The following RASSF2 variants were observed in gnomAD, a reference collection of about 807,000 sequenced individuals.
The protein encoded by RASSF2 is ras association domain-containing protein 2.
In RASSF2, 34 loss-of-function variants were observed where a neutral mutation model predicts 46.3. That is an observed-to-expected ratio of 0.73 (90% confidence interval 0.56 to 0.98). The LOEUF is 0.98. Ranked by LOEUF, RASSF2 falls within the 50% of genes least tolerant of loss-of-function variation. The probability of loss-of-function intolerance (pLI) is 0.00; values close to 1 mark genes in which losing one functional copy is unlikely to be tolerated. For missense variants in RASSF2, 364 were observed against 431.2 expected (o/e 0.84, Z 1.38); for synonymous variants, 158 against 162.5 (o/e 0.97, Z 0.21).
intron 2 of RASSF2, among the ~76,000 whole-genome samples, chr20:4,801,731 T>C (rs1320011214): frequency 4.6e-5 from 7 of 151,962 alleles, no homozygotes; most frequent in Admixed American, 3.9e-4. Context: ...ACTATTACCA[T>C]TTGTTTTGTT....
chr20:4,800,138 C>CTTA (rs1214168774), intron 3 of RASSF2, among the ~76,000 whole-genome samples: 2 of 151,814 alleles, frequency 1.3e-5, no homozygotes, highest in Admixed American at 1.3e-4. Context: ...ATAGAGAAAT[C>CTTA]TTATGCTGGA....
At chr20:4,802,653 C>CA (rs1273128643) in intron 2 of RASSF2, among the ~76,000 whole-genome samples, 1 of 151,848 alleles carries the variant, frequency 6.6e-6, no homozygotes, top group East Asian at 1.9e-4. Context: ...GGTGATTCTT[C>CA]AAAAAGTAGA....
Position 4,802,882 on chromosome 20 carries a change from G to GTATATA in RASSF2, c.-32-1826_-32-1821dup, listed in dbSNP as rs139381564. ...TACATATACACGTGTATGTGTGTGT[G>GTATATA]TATATATATATATACATATATATAT... On this transcript the variant is annotated intron_variant, in intron 2 of 11. Coordinates refer to ENST00000379400, the MANE Select transcript of RASSF2 (RefSeq NM_014737.3). Among the ~76,000 whole-genome samples the GTATATA allele has an allele frequency of 5.1e-3, 683 of 134,494 alleles. 7 individuals are homozygous for GTATATA. Among genetic ancestry groups the GTATATA allele is most frequent in the African/African-American group, 0.015 (529 of 35,438 alleles). 88.2% of individuals were successfully genotyped at this position (134,494 alleles called of 152,430 possible).
intron 2 of RASSF2, among the ~76,000 whole-genome samples, chr20:4,814,146 C>A (rs1928083097): frequency 2.6e-5 from 4 of 152,126 alleles, no homozygotes; most frequent in Admixed American, 2.6e-4. Flanking sequence ...AGCTTTCCTC[C>A]TGTCCAATAA....
At position 4,814,944 on chromosome 20, in the gene RASSF2, G is replaced by A. The variant is rs1272993076; in HGVS notation, c.-33+7385C>T. 2.6e-5 allele frequency among the ~76,000 whole-genome samples: 4 copies of A among 152,218 alleles called. No individual in the cohort carries two copies. The South Asian group carries it at 8.3e-4, about 31-fold the overall frequency. On this transcript the variant is annotated intron_variant, in intron 2 of 11. Coordinates refer to ENST00000379400, the MANE Select transcript of RASSF2 (RefSeq NM_014737.3). ...ACTGCTCCTCCACGTGGCCCGCAGA[G>A]GCGGCTCTATCAAACCTCTGTACAC... is the stretch of plus-strand genomic sequence containing the variant.
intron 2 of RASSF2, among the ~76,000 whole-genome samples, chr20:4,803,551 C>T (rs866889115): frequency 8.5e-5 from 13 of 152,124 alleles, no homozygotes; most frequent in Admixed American, 1.3e-4. Context: ...GCCAGGAGTT[C>T]GAGACCAGCC....
Position 4,795,984 on chromosome 20 carries a change from A to G in RASSF2, c.136-18T>C. ...TCTTCTTCCTGCCCACAAAGCAATC[A>G]GAGTAGTGAGCCTAGAAAAGCCCCC... On this transcript the variant is annotated intron_variant, in intron 4 of 11. Transcript: ENST00000379400. This position sits in a 1 kb window ranked among gnomAD's most constrained non-coding sequence, Gnocchi z 4.0. 1 of 1,491,280 alleles carries G rather than the reference A, an allele frequency of 6.7e-7. No homozygotes were observed. The highest frequency in any genetic ancestry group is 1.8e-4 in the Middle Eastern group (1 of 5,530). 92.4% of individuals were successfully genotyped at this position (1,491,280 alleles called of 1,614,324 possible). A position where few individuals can be genotyped will look rare whatever the true frequency, so the allele number is the denominator to read the frequency against.
chr20:4,798,141 C>T (rs780531076), intron 3 of RASSF2, 56 bp from the exon 4 acceptor site: 6 of 1,600,924 alleles, frequency 3.7e-6, no homozygotes, highest in Non-Finnish European at 5.1e-6. Context: ...ACTTATAATG[C>T]AGTTGTTCCC....
intron 2 of RASSF2, among the ~76,000 whole-genome samples, chr20:4,810,798 A>G (rs989660740): frequency 6.6e-6 from 1 of 152,180 alleles, no homozygotes; most frequent in Non-Finnish European, 1.5e-5. Flanking sequence ...GTTGTTCTAT[A>G]GGCTCCAGGC....
chr20:4,811,834 CCTCTT>C (rs1927846128), intron 2 of RASSF2, among the ~76,000 whole-genome samples: 2 of 152,142 alleles, frequency 1.3e-5, no homozygotes. Flanking sequence ...CCTGTGCACA[CCTCTT>C]CTCTGAGCCC....
chr20:4,796,392 A>G (rs1157526185), intron 4 of RASSF2, among the ~76,000 whole-genome samples: 1 of 152,234 alleles, frequency 6.6e-6, no homozygotes, highest in East Asian at 1.9e-4. Flanking sequence ...CTGTTTAGCA[A>G]TCCAACCTGG....
Position 4,797,948 on chromosome 20 carries a change from C to T in RASSF2, c.135+62G>A, listed in dbSNP as rs1338109926. On this transcript the variant is annotated intron_variant, in intron 4 of 11. Coordinates refer to ENST00000379400, the MANE Select transcript of RASSF2 (RefSeq NM_014737.3). ...CTTGGGACCTCAGGGACCTTCAGACCCAGGACACATGGTGACAAGCCCTGG... is the reference window on the plus strand; with the variant it reads ...CTTGGGACCTCAGGGACCTTCAGACTCAGGACACATGGTGACAAGCCCTGG... The T allele has an allele frequency of 4.4e-6, 7 of 1,605,758 alleles. No individual in the cohort carries two copies. The African/African-American group carries it at 6.7e-5, about 15-fold the overall frequency.
In RASSF2 at chr20:4,813,049, C is replaced by T. The variant is rs183288242; in HGVS notation, c.-33+9280G>A. ...TCCAGGACGTGGGCACTTGCAGTCACAGAGCCACTGACTCTCAGTCCCTTA... is the reference window on the plus strand; with the variant it reads ...TCCAGGACGTGGGCACTTGCAGTCATAGAGCCACTGACTCTCAGTCCCTTA... On this transcript the variant is annotated intron_variant, in intron 2 of 11. Coordinates refer to ENST00000379400, the MANE Select transcript of RASSF2 (RefSeq NM_014737.3). Among the ~76,000 whole-genome samples, 20 of 152,280 alleles carry T rather than the reference C, an allele frequency of 1.3e-4. No homozygotes were observed. The East Asian group carries it at 3.1e-3, about 24-fold the overall frequency.
At chr20:4,802,553 A>G (rs1417185082) in intron 2 of RASSF2, among the ~76,000 whole-genome samples, 1 of 152,178 alleles carries the variant, frequency 6.6e-6, no homozygotes, top group African/African-American at 2.4e-5. Context: ...AGACATTATA[A>G]CAGGCCACAC....
At chr20:4,819,049 G>A (rs979492330) in intron 2 of RASSF2, among the ~76,000 whole-genome samples, 12 of 151,996 alleles carry the variant, frequency 7.9e-5, no homozygotes, top group Admixed American at 1.3e-4. Flanking sequence ...TGCAACCTCC[G>A]CCTTCCAGGT....
intron 1 of RASSF2, 114 bp downstream of exon 1, chr20:4,823,443 A>G (rs1419561059): frequency 6.6e-6 from 1 of 152,176 alleles, no homozygotes; most frequent in Non-Finnish European, 1.5e-5. Context: ...GCTCAAATCC[A>G]GCCAGGCTGG....
rs1275097717 is a variant in RASSF2, at chr20:4,784,377, C to T, written c.912-35G>A. 2 of 1,595,990 alleles carry T rather than the reference C, an allele frequency of 1.3e-6. 1 individual carries two copies. On this transcript the variant is annotated intron_variant, in intron 11 of 11. Coordinates refer to ENST00000379400, the MANE Select transcript of RASSF2 (RefSeq NM_014737.3). ...AGAAACAGGCTCAGATGGAGAGCAG[C>T]CAGCAACACACCCCTGCCCAGGACC...
intron 8 of RASSF2, 103 bp downstream of exon 8, chr20:4,789,493 T>A: frequency 1.1e-6 from 1 of 946,748 alleles, no homozygotes; most frequent in Non-Finnish European, 1.6e-6. Flanking sequence ...CTGCTCAGCA[T>A]CCCACAAAAC....
intron 5 of RASSF2, among the ~76,000 whole-genome samples, chr20:4,794,835 C>T (rs2064851275): frequency 6.6e-6 from 1 of 152,228 alleles, no homozygotes; most frequent in Non-Finnish European, 1.5e-5. Context: ...CAATTTTCCT[C>T]CTTAAATCCC....
Sources: allele counts gnomAD v4.1 joint callset (sites outside exome capture counted in the v4.1 genomes callset), GRCh38; gene constraint gnomAD v4.1.1; non-coding constraint Gnocchi (gnomAD v3.1); transcripts MANE v1.5; gene names NCBI Gene and HGNC (gene_info 2026-07-23, HGNC 2026-07-21).